MAPK10: variants seen among roughly 807,000 people sequenced by gnomAD.
The protein encoded by MAPK10 is JNK3 alpha protein kinase.
A neutral mutation model predicts 59.3 loss-of-function variants in MAPK10; 25 were observed. That is an observed-to-expected ratio of 0.42 (90% confidence interval 0.31 to 0.59). The LOEUF is 0.59. Among genes scored for constraint, MAPK10 ranks in the 20% least tolerant of loss-of-function variants. MAPK10 has a pLI of 0.15. For synonymous variants in MAPK10, 190 were observed against 200.5 expected (o/e 0.95, Z 0.44); for missense variants, 351 against 568.9 (o/e 0.62, Z 3.90).
chr4:86,362,240 A>T (rs1401764112), upstream of MAPK10, among the ~76,000 whole-genome samples: 1 of 152,146 alleles, frequency 6.6e-6, no homozygotes, highest in Non-Finnish European at 1.5e-5. Context: ...GAAAAAAGGA[A>T]CGCCATCTCT....
chr4:86,108,022 G>C (rs978857534), intron 4 of MAPK10, among the ~76,000 whole-genome samples: 1 of 152,066 alleles, frequency 6.6e-6, no homozygotes, highest in African/African-American at 2.4e-5. Context: ...AAGATGTGAT[G>C]TTAATTGCCA....
chr4:86,562,300 T>C (rs1760739593), intron 1 of MAPK10, among the ~76,000 whole-genome samples: 1 of 150,582 alleles, frequency 6.6e-6, no homozygotes, highest in Admixed American at 6.6e-5. Flanking sequence ...AATAAAATAG[T>C]TCAAGGGTTA....
At chr4:86,339,921 G>A (rs1385057918) in intron 2 of MAPK10, among the ~76,000 whole-genome samples, 2 of 152,152 alleles carry the variant, frequency 1.3e-5, no homozygotes, top group African/African-American at 4.8e-5. Flanking sequence ...AACCCTGGAA[G>A]GTAGATATTC....
intron 8 of MAPK10, chr4:86,099,238 T>A (rs1019714402): frequency 6.6e-6 from 1 of 152,292 alleles, no homozygotes; most frequent in Admixed American, 6.5e-5. Flanking sequence ...TTGAAATATT[T>A]CAAGAAAAAA....
intron 2 of MAPK10, among the ~76,000 whole-genome samples, chr4:86,318,533 A>T (rs978521202): frequency 6.6e-6 from 1 of 152,166 alleles, no homozygotes; most frequent in Admixed American, 6.6e-5. Flanking sequence ...GACCTATGAG[A>T]AAGCTAAATA....
At chr4:86,397,837 A>G (rs1579062605) in intron 1 of MAPK10, among the ~76,000 whole-genome samples, 1 of 141,960 alleles carries the variant, frequency 7.0e-6, no homozygotes, top group East Asian at 2.1e-4. Context: ...TTCCCAGATC[A>G]TTACGTAAGC....
At chr4:86,307,638 A>G (rs538726354) in intron 2 of MAPK10, among the ~76,000 whole-genome samples, 1 of 152,340 alleles carries the variant, frequency 6.6e-6, no homozygotes, top group South Asian at 2.1e-4. Flanking sequence ...AAAAGAATGC[A>G]AAGACCAAAA....
At chr4:86,558,375 C>T (rs1020060320) in intron 1 of MAPK10, among the ~76,000 whole-genome samples, 3 of 152,060 alleles carry the variant, frequency 2.0e-5, no homozygotes, top group Non-Finnish European at 2.9e-5. Context: ...CTTTGGCCTT[C>T]GAAACTCTTT....
intron 11 of MAPK10, among the ~76,000 whole-genome samples, chr4:86,060,292 C>A (rs546632222): frequency 1.3e-5 from 2 of 152,304 alleles, no homozygotes; most frequent in African/African-American, 4.8e-5. Context: ...CTCTCCTGCT[C>A]CCTCTCCCTA....
rs1361009232 is a variant in MAPK10 at position 86,399,219 on chromosome 4, C to T, written c.-121-44575G>A. On this transcript the variant is annotated intron_variant, in intron 1 of 13. Coordinates refer to the MAPK10 transcript ENST00000361569. ...GTGGCTGAACTAATTTACATTCCCACCTACAGTGTATAAGCATTCCCTTTC... is the reference window on the plus strand; with the variant it reads ...GTGGCTGAACTAATTTACATTCCCATCTACAGTGTATAAGCATTCCCTTTC... Among the ~76,000 whole-genome samples the T allele has an allele frequency of 2.6e-5, 4 of 152,190 alleles. No individual in the cohort carries two copies. The East Asian group carries it at 5.8e-4, about 22-fold the overall frequency.
chr4:86,548,046 T>A (rs1426770519), intron 1 of MAPK10, among the ~76,000 whole-genome samples: 1 of 152,174 alleles, frequency 6.6e-6, no homozygotes, highest in Non-Finnish European at 1.5e-5. Flanking sequence ...TCAGGTCCCC[T>A]TCCACACTGT....
chr4:86,465,518 T>G (rs1752123559), intron 1 of MAPK10, among the ~76,000 whole-genome samples: 1 of 152,214 alleles, frequency 6.6e-6, no homozygotes, highest in African/African-American at 2.4e-5. Context: ...TTTTAAATTT[T>G]TTGAGCCTGC....
intron 1 of MAPK10, among the ~76,000 whole-genome samples, chr4:86,436,572 G>A (rs1748751111): frequency 6.6e-6 from 1 of 152,038 alleles, no homozygotes; most frequent in African/African-American, 2.4e-5. Context: ...TGTTGCTGAT[G>A]TGTAGAAATA....
chr4:86,216,542 C>A (rs1036829363), intron 2 of MAPK10, among the ~76,000 whole-genome samples: 2 of 151,474 alleles, frequency 1.3e-5, no homozygotes, highest in African/African-American at 4.8e-5. Flanking sequence ...CAATGCCATA[C>A]CTAAGAACTT....
At chr4:86,285,553 G>T (rs911999936) in intron 2 of MAPK10, among the ~76,000 whole-genome samples, 1 of 151,962 alleles carries the variant, frequency 6.6e-6, no homozygotes, top group African/African-American at 2.4e-5. Context: ...AGTTCTTTAC[G>T]TACAACTCAG....
intron 1 of MAPK10, among the ~76,000 whole-genome samples, chr4:86,508,742 A>G (rs1450670699): frequency 6.6e-6 from 1 of 152,204 alleles, no homozygotes; most frequent in Non-Finnish European, 1.5e-5. Flanking sequence ...ATGGCCAATT[A>G]AAAGCCACTG....
At chr4:86,421,464 C>T (rs1052740518) in intron 1 of MAPK10, among the ~76,000 whole-genome samples, 4 of 152,154 alleles carry the variant, frequency 2.6e-5, no homozygotes, top group East Asian at 1.9e-4. Flanking sequence ...TTTCTAGCAG[C>T]GCCCCCTTGC....
chr4:86,290,126 A>G (rs1013874025), intron 2 of MAPK10, among the ~76,000 whole-genome samples: 4 of 152,174 alleles, frequency 2.6e-5, no homozygotes, highest in Non-Finnish European at 5.9e-5. Context: ...GATGAGCTGA[A>G]CAGGGAGGAG....
At chr4:86,548,709 G>C (rs529837907) in intron 1 of MAPK10, among the ~76,000 whole-genome samples, 1 of 152,304 alleles carries the variant, frequency 6.6e-6, no homozygotes, top group Admixed American at 6.5e-5. Flanking sequence ...TGGCTCAGGT[G>C]TTTCTTCATA....
Sources: gnomAD v4.1 joint callset for allele counts (sites outside exome capture counted in the v4.1 genomes callset) on GRCh38, gnomAD v4.1.1 for gene constraint, MANE v1.5 for transcripts, NCBI Gene and HGNC (gene_info 2026-07-23, HGNC 2026-07-21) for gene names.